DTNA: variants seen among roughly 807,000 people sequenced by gnomAD.
DTNA encodes dystrophin-related protein 3.
A neutral mutation model predicts 100.7 loss-of-function variants in DTNA; 43 were observed. The ratio of observed to expected loss-of-function variants is 0.43; its 90% CI spans 0.33 to 0.55. The LOEUF is 0.55. Among genes scored for constraint, DTNA ranks in the 20% least tolerant of loss-of-function variants. The probability of loss-of-function intolerance (pLI) is 0.04; values close to 1 mark genes in which losing one functional copy is unlikely to be tolerated. For synonymous variants in DTNA, 349 were observed against 347.9 expected (o/e 1.00, Z -0.04); for missense variants, 798 against 953.9 (o/e 0.84, Z 2.15).
chr18:34,599,920 T>C (rs959416920), intron 1 of DTNA, among the ~76,000 whole-genome samples: 2 of 152,176 alleles, frequency 1.3e-5, no homozygotes, highest in Non-Finnish European at 2.9e-5. Context: ...TCAAGCGATC[T>C]GCTTGCCTCA....
At chr18:34,868,393 C>T (rs1603304958) in intron 17 of DTNA, 7 of 817,590 alleles carry the variant, frequency 8.6e-6, no homozygotes, top group Admixed American at 6.2e-5. Context: ...CCTATAGAGG[C>T]GGTTCTGCAA....
chr18:34,498,481 A>AATAATAATAATT (rs1326865454), intron 1 of DTNA, among the ~76,000 whole-genome samples: 4 of 146,230 alleles, frequency 2.7e-5, no homozygotes, highest in Admixed American at 1.4e-4. Context: ...TAATAATAAT[A>AATAATAATAATT]ATTTAATCAC....
At chr18:34,589,827 T>C (rs2049517109) in intron 1 of DTNA, among the ~76,000 whole-genome samples, 1 of 152,220 alleles carries the variant, frequency 6.6e-6, no homozygotes, top group Non-Finnish European at 1.5e-5. Context: ...TTTGATTTTT[T>C]AAAAGATTCC....
intron 1 of DTNA, chr18:34,513,783 A>G (rs2041322011): frequency 6.6e-6 from 1 of 152,184 alleles, no homozygotes; most frequent in Non-Finnish European, 1.5e-5. Flanking sequence ...CAAGAAGGCT[A>G]TGAGGAGATA....
At chr18:34,566,407 G>A (rs1024879005) in intron 1 of DTNA, among the ~76,000 whole-genome samples, 1 of 152,132 alleles carries the variant, frequency 6.6e-6, no homozygotes, top group African/African-American at 2.4e-5. Context: ...GATTAAAAAT[G>A]GTAGAAAGTT....
chr18:34,571,546 C>A (rs1052284186), intron 1 of DTNA, among the ~76,000 whole-genome samples: 1 of 151,918 alleles, frequency 6.6e-6, no homozygotes, highest in African/African-American at 2.4e-5. Context: ...AGTTTGAGAC[C>A]AGCCCGAGCA....
chr18:34,858,369 C>A lies in DTNA; in HGVS notation c.1617C>A (p.Pro539=), dbSNP rs776281493. 1.9e-6 allele frequency: 3 copies of A among 1,614,172 alleles called. No individual in the cohort carries two copies. Among genetic ancestry groups the A allele is most frequent in the Non-Finnish European group, 2.5e-6 (3 of 1,180,036 alleles). ...QPTPEKAQQN[P]TLLAELRLLR... ...CGCCAGAGAAGGCACAGCAAAACCC[C>A]ACCCTGCTGGCAGAACTCCGGCTCC... is the stretch of plus-strand genomic sequence containing the variant. Residue 539 remains proline (P), a synonymous_variant, in exon 16 of 23, where the codon CCC becomes CCA. Transcript: ENST00000444659.
At chr18:34,787,671 A>G (rs1226949717) in intron 3 of DTNA, among the ~76,000 whole-genome samples, 3 of 152,222 alleles carry the variant, frequency 2.0e-5, no homozygotes, top group Non-Finnish European at 2.9e-5. Flanking sequence ...CCATTAAAAT[A>G]GTGCAAGATG....
Position 34,686,271 on chromosome 18 carries a change from G to A in DTNA, c.-1-69705G>A, listed in dbSNP as rs2078887832. On this transcript the variant is annotated intron_variant, in intron 1 of 19. Coordinates refer to the DTNA transcript ENST00000283365. ...GCCCATTCAGTATGATTTTGGCTGT[G>A]GATTTGTCATAAATAGCTCTTATTA... Among the ~76,000 whole-genome samples, 2 of 152,030 alleles carry A rather than the reference G, an allele frequency of 1.3e-5. 1 individual carries two copies. Among genetic ancestry groups the A allele is most frequent in the South Asian group, 4.2e-4 (2 of 4,818 alleles).
At chr18:34,730,074 G>A (rs1236103721) in intron 1 of DTNA, among the ~76,000 whole-genome samples, 1 of 152,158 alleles carries the variant, frequency 6.6e-6, no homozygotes, top group Non-Finnish European at 1.5e-5. Flanking sequence ...CCAGGACATT[G>A]TGTCCCCAGT....
chr18:34,543,508 T>G (rs2145787537), intron 1 of DTNA, among the ~76,000 whole-genome samples: 1 of 152,154 alleles, frequency 6.6e-6, no homozygotes, highest in Admixed American at 6.6e-5. Flanking sequence ...CCTTATAGAT[T>G]AATACACCTG....
chr18:34,858,438 G>T, intron 16 of DTNA, 40 bp downstream of exon 16: 2 of 1,593,004 alleles, frequency 1.3e-6, no homozygotes, highest in Non-Finnish European at 1.7e-6. Context: ...GAATATATAT[G>T]TGTCAGATCT....
intron 1 of DTNA, among the ~76,000 whole-genome samples, chr18:34,648,161 G>C (rs770115538): frequency 2.0e-5 from 3 of 152,190 alleles, no homozygotes; most frequent in African/African-American, 7.2e-5. Flanking sequence ...AACGGCCAGA[G>C]TTATAAGACC....
chr18:34,650,218 A>G (rs1446737563), intron 1 of DTNA, among the ~76,000 whole-genome samples: 2 of 152,132 alleles, frequency 1.3e-5, no homozygotes, highest in African/African-American at 4.8e-5. Context: ...CCTGAAAGCC[A>G]AGTGTTTGAA....
chr18:34,740,412 G>A (rs2090414746), intron 1 of DTNA, among the ~76,000 whole-genome samples: 1 of 152,138 alleles, frequency 6.6e-6, no homozygotes, highest in Non-Finnish European at 1.5e-5. Flanking sequence ...TCCTTTTGCT[G>A]TGTTCTTACC....
At chr18:34,751,521 T>C (rs900556756) in intron 1 of DTNA, among the ~76,000 whole-genome samples, 3 of 152,218 alleles carry the variant, frequency 2.0e-5, no homozygotes, top group African/African-American at 7.2e-5. Flanking sequence ...CCTGTTAATC[T>C]CTGAAGTGTC....
intron 1 of DTNA, among the ~76,000 whole-genome samples, chr18:34,539,588 G>A (rs2044053694): frequency 6.6e-6 from 1 of 151,904 alleles, no homozygotes; most frequent in Non-Finnish European, 1.5e-5. Context: ...TTCCATCTCT[G>A]TTAACCTACC....
chr18:34,653,614 G>A (rs979363123), intron 1 of DTNA, among the ~76,000 whole-genome samples: 2 of 152,130 alleles, frequency 1.3e-5, no homozygotes, highest in Non-Finnish European at 2.9e-5. Flanking sequence ...CTTGAGGTCA[G>A]GAGTTTGAGA....
At chr18:34,665,867 G>A (rs1437318075) in intron 1 of DTNA, among the ~76,000 whole-genome samples, 2 of 152,144 alleles carry the variant, frequency 1.3e-5, no homozygotes, top group East Asian at 3.9e-4. Context: ...ATTGTGAGTA[G>A]TGCTGCAATA....
Sources: gnomAD v4.1 joint callset for allele counts (sites outside exome capture counted in the v4.1 genomes callset) on GRCh38, gnomAD v4.1.1 for gene constraint, MANE v1.5 for transcripts, NCBI Gene and HGNC (gene_info 2026-07-23, HGNC 2026-07-21) for gene names.